GAD1: variants seen among roughly 807,000 people sequenced by gnomAD.
The protein encoded by GAD1 is 67 kDa glutamic acid decarboxylase.
GAD1 carries 35 observed loss-of-function variants against 75.2 expected under a neutral mutation model. The observed-to-expected ratio is 0.47, with a 90% CI of 0.36 to 0.62. The LOEUF (loss-of-function observed/expected upper bound fraction) is 0.62, where lower values mean the gene tolerates loss of function less well. Ranked by LOEUF, GAD1 falls within the 20% of genes least tolerant of loss-of-function variation. The pLI is 0.00. For missense variants in GAD1, 490 were observed against 758.5 expected (o/e 0.65, Z 4.16); for synonymous variants, 257 against 271.9 (o/e 0.95, Z 0.54).
chr2:170,827,010 G>A (rs1346750091), intron 3 of GAD1, among the ~76,000 whole-genome samples: 1 of 152,074 alleles, frequency 6.6e-6, no homozygotes, highest in Non-Finnish European at 1.5e-5. Flanking sequence ...ACCCAAGTGT[G>A]GAGCTCTATT....
At position 170,849,339 on chromosome 2, in the gene GAD1, C is replaced by T. The variant is rs34856125; in HGVS notation, c.1173C>T (p.Asn391=). The change falls in exon 12 of 17, where the codon AAC becomes AAT. Residue 391 remains asparagine, a synonymous_variant. Coordinates refer to ENST00000358196, the MANE Select transcript of GAD1 (RefSeq NM_000817.3). ...LMSRKHRHKL[N]GIERANSVTW... is the part of the protein sequence containing the mutation. ...CCAGGAAGCACCGCCATAAACTCAA[C>T]GGCATAGAAAGGTAACGGCCAGAAC... 792 of 1,614,122 alleles carry T rather than the reference C, an allele frequency of 4.9e-4. 4 individuals carry two copies. The Middle Eastern group carries it at 4.9e-3, about 10-fold the overall frequency.
chr2:170,824,130 A>C (rs914782646), intron 3 of GAD1, among the ~76,000 whole-genome samples: 7 of 152,146 alleles, frequency 4.6e-5, no homozygotes, highest in Non-Finnish European at 8.8e-5. Flanking sequence ...GTCCTCAGAG[A>C]GTTTCCTCCC....
chr2:170,847,874 CGCCCCA>C, intron 11 of GAD1, 82 bp downstream of exon 11: 1 of 900,226 alleles, frequency 1.1e-6, no homozygotes, highest in Non-Finnish European at 1.9e-6. Flanking sequence ...CTTCTCCCCA[CGCCCCA>C]GCCAGCCCTC....
intron 6 of GAD1, among the ~76,000 whole-genome samples, chr2:170,842,275 C>T (rs1702534088): frequency 1.3e-5 from 2 of 152,212 alleles, no homozygotes; most frequent in Non-Finnish European, 2.9e-5. Flanking sequence ...CCTAAGCCAA[C>T]TTTCATCCAG....
At chr2:170,823,319 C>T (rs1172703178) in intron 3 of GAD1, among the ~76,000 whole-genome samples, 1 of 152,212 alleles carries the variant, frequency 6.6e-6, no homozygotes. Flanking sequence ...CCCTGGGTCC[C>T]GGGGCGAGGG....
intron 2 of GAD1, among the ~76,000 whole-genome samples, chr2:170,820,323 C>T (rs2105753603): frequency 6.6e-6 from 1 of 152,330 alleles, no homozygotes; most frequent in East Asian, 1.9e-4. Flanking sequence ...CGCACGTGGC[C>T]TGGTTCGCCT....
intron 3 of GAD1, among the ~76,000 whole-genome samples, chr2:170,825,894 G>A (rs146266420): frequency 2.0e-5 from 3 of 151,890 alleles, no homozygotes; most frequent in African/African-American, 4.8e-5. Flanking sequence ...AGTACACTCG[G>A]CTTCATTCTC....
chr2:170,850,117 C>G (rs762705142), intron 12 of GAD1, among the ~76,000 whole-genome samples: 5 of 152,186 alleles, frequency 3.3e-5, no homozygotes, highest in Non-Finnish European at 4.4e-5. Flanking sequence ...TTCCATCCAG[C>G]CACCTATGGT....
intron 11 of GAD1, 59 bp downstream of exon 11, chr2:170,847,851 G>A: frequency 8.8e-7 from 1 of 1,138,064 alleles, no homozygotes; most frequent in Non-Finnish European, 1.3e-6. Context: ...TCTTTTTTAT[G>A]ACTTGCCTCA....
At chr2:170,836,224 C>T (rs566544448) in intron 5 of GAD1, among the ~76,000 whole-genome samples, 1 of 152,168 alleles carries the variant, frequency 6.6e-6, no homozygotes, top group Non-Finnish European at 1.5e-5. Flanking sequence ...TGCGTTGACT[C>T]CTTCCTGACA....
At position 170,853,121 on chromosome 2, in the gene GAD1, CAGTG is replaced by C; in HGVS notation, c.1263+332_1263+335del. 1 of 401,808 alleles carries C rather than the reference CAGTG, an allele frequency of 2.5e-6. No homozygotes were observed. The highest frequency in any genetic ancestry group is 7.5e-4 in the Middle Eastern group (1 of 1,340). The allele number at this position is 401,808 out of a possible 1,614,324, so 24.9% of individuals were successfully genotyped here. ...TGAGGCATCCAATCAGTTTTGTCCTCAGTGAGGACAAAAGCACTCACTGGAGCAT... is the reference window on the plus strand; with the variant it reads ...TGAGGCATCCAATCAGTTTTGTCCTCAGGACAAAAGCACTCACTGGAGCAT... On this transcript the variant is annotated intron_variant, in intron 13 of 16. Coordinates refer to ENST00000358196, the MANE Select transcript of GAD1 (RefSeq NM_000817.3). This position sits in a 1 kb window ranked among gnomAD's most constrained non-coding sequence, Gnocchi z 4.1.
intron 3 of GAD1, among the ~76,000 whole-genome samples, chr2:170,828,468 T>C (rs1702099811): frequency 1.3e-5 from 1 of 74,218 alleles, no homozygotes; most frequent in African/African-American, 5.2e-5. Context: ...GTCCTCCCTC[T>C]GCTGTCCTTG....
At chr2:170,816,489 C>T (rs1052324732), upstream of GAD1, 2 of 149,046 alleles carry the variant, frequency 1.3e-5, no homozygotes, top group Non-Finnish European at 1.5e-5. Context: ...TCGTCTCCTA[C>T]AATATATGGG....
intron 12 of GAD1, among the ~76,000 whole-genome samples, chr2:170,851,522 A>C (rs1702742873): frequency 6.6e-6 from 1 of 152,172 alleles, no homozygotes; most frequent in African/African-American, 2.4e-5. Flanking sequence ...TTATTTTGTT[A>C]GGTCCTTTAA....
At chr2:170,831,255 T>C in intron 5 of GAD1, 63 bp downstream of exon 5, 3 of 1,564,932 alleles carry the variant, frequency 1.9e-6, no homozygotes, top group Non-Finnish European at 1.8e-6. Flanking sequence ...CCCTTGCCAG[T>C]TGTGAGGATA....
chr2:170,832,474 A>G (rs1465900430), intron 5 of GAD1, among the ~76,000 whole-genome samples: 1 of 152,160 alleles, frequency 6.6e-6, no homozygotes, highest in Non-Finnish European at 1.5e-5. Flanking sequence ...GCATGACCTC[A>G]TCTTAACATG....
At position 170,856,586 on chromosome 2, in the gene GAD1, C is replaced by A. The variant is rs1702857815; in HGVS notation, c.1414-432C>A. Among the ~76,000 whole-genome samples, 4 of 152,150 alleles carry A rather than the reference C, an allele frequency of 2.6e-5. No homozygotes were observed. In the South Asian group the frequency reaches 8.3e-4, roughly 32 times the overall value. On this transcript the variant is annotated intron_variant, in intron 14 of 16. Transcript: ENST00000358196. Reference sequence around the variant, plus strand: ...TAGAAAAATGAAATTTAAAAACATACAAAGAACAAGCCACTGTTTTTTATT... The same window carrying A: ...TAGAAAAATGAAATTTAAAAACATAAAAAGAACAAGCCACTGTTTTTTATT...
chr2:170,830,286 G>A (rs1358802795), intron 4 of GAD1, among the ~76,000 whole-genome samples: 1 of 152,054 alleles, frequency 6.6e-6, no homozygotes, highest in African/African-American at 2.4e-5. Context: ...CAGCCTGCCT[G>A]TGAGCTACAG....
chr2:170,845,079 T>C (rs1035722844), intron 7 of GAD1, among the ~76,000 whole-genome samples: 4 of 152,248 alleles, frequency 2.6e-5, no homozygotes, highest in Non-Finnish European at 4.4e-5. Context: ...TGTTTCTTTC[T>C]GTAAGCTCCG....
Sources: allele counts gnomAD v4.1 joint callset (sites outside exome capture counted in the v4.1 genomes callset), GRCh38; gene constraint gnomAD v4.1.1; non-coding constraint Gnocchi (gnomAD v3.1); transcripts MANE v1.5; gene names NCBI Gene and HGNC (gene_info 2026-07-23, HGNC 2026-07-21).